SHANK2: variants seen among roughly 807,000 people sequenced by gnomAD.
The protein encoded by SHANK2 is SH3 and multiple ankyrin repeat domains 2.
SHANK2 carries 43 observed loss-of-function variants against 133.7 expected under a neutral mutation model. The ratio of observed to expected loss-of-function variants is 0.32; its 90% CI spans 0.25 to 0.41. SHANK2 has a LOEUF of 0.41. Ranked by LOEUF, SHANK2 falls within the 10% of genes least tolerant of loss-of-function variation. The probability of loss-of-function intolerance (pLI) is 1.00; values close to 1 mark genes in which losing one functional copy is unlikely to be tolerated. For missense variants in SHANK2, 1,994 were observed against 2,235.8 expected, an observed-to-expected ratio of 0.89 and a Z score of 2.18; for synonymous variants, 1,017 against 952.8, an observed-to-expected ratio of 1.07 and a Z score of -1.24.
intron 2 of SHANK2, among the ~76,000 whole-genome samples, chr11:71,191,658 C>T (rs1285259881): frequency 6.6e-6 from 1 of 152,096 alleles, no homozygotes; most frequent in Admixed American, 6.5e-5. Context: ...CTCCCAGGTT[C>T]AAGGGATTCT....
intron 17 of SHANK2, among the ~76,000 whole-genome samples, chr11:70,574,484 GTCATTCTTTCACTCAT>G (rs1554983816): frequency 1.3e-5 from 2 of 152,222 alleles, no homozygotes; most frequent in Non-Finnish European, 2.9e-5. Flanking sequence ...CATTCATTCA[GTCATTCTTTCACTCAT>G]TCATCTGACT....
chr11:71,097,112 C>A lies in SHANK2; in HGVS notation c.593-2424G>T, dbSNP rs574552769. Among the ~76,000 whole-genome samples, 62 of 152,330 alleles carry A rather than the reference C, an allele frequency of 4.1e-4. No homozygotes were observed. In the South Asian group the frequency reaches 0.013, roughly 31 times the overall value. ...TCCAGGGCCATCCAATGACAAGTGG[C>A]AGCCTTCTCAAGGGTTCCGGAATCC... On this transcript the variant is annotated intron_variant, in intron 6 of 25. Coordinates refer to ENST00000601538, the MANE Select transcript of SHANK2 (RefSeq NM_012309.5).
rs1284508868 is a variant in SHANK2 at position 70,479,307 on chromosome 11, A to T, written c.4980-5868T>A. Among the ~76,000 whole-genome samples, 1 of 152,246 alleles carries T rather than the reference A, an allele frequency of 6.6e-6. No individual in the cohort carries two copies. Among genetic ancestry groups the T allele is most frequent in the Non-Finnish European group, 1.5e-5 (1 of 68,046 alleles). ...GTGCTCTGGGACCAGCTGGGCAGAG[A>T]TAACTTTTTAACAACCCAAAGTTAT... On this transcript the variant is annotated intron_variant, in intron 25 of 25. Coordinates refer to ENST00000601538, the MANE Select transcript of SHANK2 (RefSeq NM_012309.5). This position sits in a 1 kb window ranked among gnomAD's most constrained non-coding sequence, Gnocchi z 4.4.
At chr11:70,613,717 G>A (rs1554995075) in intron 17 of SHANK2, among the ~76,000 whole-genome samples, 1 of 150,500 alleles carries the variant, frequency 6.6e-6, no homozygotes, top group African/African-American at 2.4e-5. Flanking sequence ...GAGTAGGGTG[G>A]GCCCTACATC....
chr11:70,892,103 G>A (rs1323337007), intron 11 of SHANK2, among the ~76,000 whole-genome samples: 3 of 152,110 alleles, frequency 2.0e-5, no homozygotes, highest in Non-Finnish European at 4.4e-5. Context: ...TCCCTCGGGG[G>A]CTGCCAGGCA....
intron 17 of SHANK2, among the ~76,000 whole-genome samples, chr11:70,580,998 G>A (rs895777699): frequency 6.6e-6 from 1 of 152,118 alleles, no homozygotes; most frequent in South Asian, 2.1e-4. Flanking sequence ...GCTCTTCCCC[G>A]TCATCAGCAC....
intron 3 of SHANK2, among the ~76,000 whole-genome samples, chr11:71,119,319 C>G (rs1343789528): frequency 1.3e-5 from 2 of 152,186 alleles, no homozygotes; most frequent in Non-Finnish European, 2.9e-5. Flanking sequence ...CGGTGGCTCA[C>G]GCCTGTCATC....
rs1290132431 is a variant in SHANK2 at position 70,490,470 on chromosome 11, C to T, written c.2440-83G>A. The T allele has an allele frequency of 2.6e-6, 3 of 1,167,610 alleles. No individual in the cohort carries two copies. In the African/African-American group the frequency reaches 4.5e-5, roughly 18 times the overall value. 72.3% of individuals were successfully genotyped at this position (1,167,610 alleles called of 1,614,324 possible). ...ACAGGGCCCAGAGACCACAAGGGAACTTCCGTCACTGTGGCTTCCCCAAGC... is the reference window on the plus strand; with the variant it reads ...ACAGGGCCCAGAGACCACAAGGGAATTTCCGTCACTGTGGCTTCCCCAAGC... On this transcript the variant is annotated intron_variant, in intron 22 of 25. Transcript: ENST00000601538.
chr11:70,892,060 C>T (rs1949853783), intron 11 of SHANK2, among the ~76,000 whole-genome samples: 1 of 152,152 alleles, frequency 6.6e-6, no homozygotes, highest in African/African-American at 2.4e-5. Context: ...CTCAAGCCAC[C>T]CTCGTGAGAG....
chr11:71,131,782 G>C (rs1206165064), intron 3 of SHANK2, among the ~76,000 whole-genome samples: 1 of 152,264 alleles, frequency 6.6e-6, no homozygotes, highest in East Asian at 1.9e-4. Context: ...AAAAAGTCCT[G>C]ACTGCAGACA....
intron 17 of SHANK2, among the ~76,000 whole-genome samples, chr11:70,561,456 G>C (rs992413858): frequency 6.6e-6 from 1 of 151,984 alleles, no homozygotes; most frequent in Admixed American, 6.6e-5. Context: ...CCAACTTTTG[G>C]TTGCTCCATT....
chr11:71,135,926 G>A (rs1262132472), intron 3 of SHANK2, among the ~76,000 whole-genome samples: 1 of 152,130 alleles, frequency 6.6e-6, no homozygotes, highest in Non-Finnish European at 1.5e-5. Flanking sequence ...GACAGGAAAG[G>A]TGGGGTGGTG....
intron 17 of SHANK2, among the ~76,000 whole-genome samples, chr11:70,618,894 G>A (rs781831521): frequency 8.5e-5 from 13 of 152,206 alleles, no homozygotes; most frequent in Non-Finnish European, 1.2e-4. Context: ...CCTGAGAGGC[G>A]TATCCAGGGC....
chr11:70,788,562 ATGCAGTACAG>A (rs1490967398), intron 14 of SHANK2, among the ~76,000 whole-genome samples: 1 of 152,162 alleles, frequency 6.6e-6, no homozygotes, highest in Non-Finnish European at 1.5e-5. Context: ...AACATGGTGT[ATGCAGTACAG>A]GGCAGTACAG....
At chr11:70,844,079 T>C (rs1948957456) in intron 11 of SHANK2, among the ~76,000 whole-genome samples, 1 of 152,074 alleles carries the variant, frequency 6.6e-6, no homozygotes, top group South Asian at 2.1e-4. Context: ...GGGAGCTCCC[T>C]GGGGGATGAG....
intron 10 of SHANK2, among the ~76,000 whole-genome samples, chr11:70,914,209 G>C (rs955477488): frequency 5.3e-5 from 8 of 152,072 alleles, no homozygotes; most frequent in African/African-American, 1.9e-4. Context: ...CCGGAAATCG[G>C]GCTCTGGGGC....
intron 17 of SHANK2, among the ~76,000 whole-genome samples, chr11:70,637,104 T>G (rs2061112476): frequency 6.6e-6 from 1 of 151,446 alleles, no homozygotes; most frequent in Non-Finnish European, 1.5e-5. Context: ...TGGGTACCTG[T>G]GTGTATGTGC....
At chr11:70,502,664 C>T (rs1015743454) in intron 18 of SHANK2, 132 bp downstream of exon 18, 1 of 1,079,368 alleles carries the variant, frequency 9.3e-7, no homozygotes, top group Non-Finnish European at 1.3e-6. Context: ...CAGCCTCACC[C>T]CTGTGCCTGG....
At chr11:70,743,652 C>G (rs1946579375) in intron 14 of SHANK2, among the ~76,000 whole-genome samples, 1 of 152,158 alleles carries the variant, frequency 6.6e-6, no homozygotes, top group African/African-American at 2.4e-5. Context: ...AGAGCGACGA[C>G]AGCAGTTACC....
Sources: gnomAD v4.1 joint callset for allele counts (sites outside exome capture counted in the v4.1 genomes callset) on GRCh38, gnomAD v4.1.1 for gene constraint, Gnocchi (gnomAD v3.1) non-coding constraint, MANE v1.5 for transcripts, NCBI Gene and HGNC (gene_info 2026-07-23, HGNC 2026-07-21) for gene names.